TENM2: variants seen among roughly 807,000 people sequenced by gnomAD.
TENM2 encodes the protein teneurin transmembrane protein 2, also known as teneurin-2.
TENM2 carries 52 observed loss-of-function variants against 245.2 expected under a neutral mutation model. That is an observed-to-expected ratio of 0.21 (90% confidence interval 0.17 to 0.27). The LOEUF (loss-of-function observed/expected upper bound fraction) is 0.27, where lower values mean the gene tolerates loss of function less well. Among genes scored for constraint, TENM2 ranks in the 10% least tolerant of loss-of-function variants. TENM2 has a pLI of 1.00. For missense variants in TENM2, 3,046 were observed against 3,666.8 expected (o/e 0.83, Z 4.37); for synonymous variants, 1,363 against 1,438.9 (o/e 0.95, Z 1.19).
chr5:167,768,583 A>T (rs1219861280), intron 2 of TENM2, among the ~76,000 whole-genome samples: 1 of 152,150 alleles, frequency 6.6e-6, no homozygotes, highest in Admixed American at 6.5e-5. Flanking sequence ...CATAATGGTT[A>T]TGAAGTGGTA....
At chr5:167,391,622 C>T (rs1171374568) in intron 2 of TENM2, among the ~76,000 whole-genome samples, 2 of 53,498 alleles carry the variant, frequency 3.7e-5, no homozygotes, top group African/African-American at 6.2e-5. Context: ...AAGACTTCAT[C>T]AAAAAAAAAA....
the TENM2 span, among the ~76,000 whole-genome samples, chr5:167,125,999 C>G: frequency 6.6e-6 from 1 of 152,142 alleles, no homozygotes; most frequent in South Asian, 2.1e-4. Context: ...CAAAGTGAAG[C>G]TTTGCCTCAT....
chr5:167,805,759 T>C (rs137923646), intron 2 of TENM2, among the ~76,000 whole-genome samples: 1 of 152,242 alleles, frequency 6.6e-6, no homozygotes, highest in African/African-American at 2.4e-5. Context: ...GGTGAGGTGG[T>C]GGGCATAGCA....
intron 5 of TENM2, among the ~76,000 whole-genome samples, chr5:168,035,496 C>CA (rs397949588): frequency 0.16 from 11,359 of 68,938 alleles, 605 homozygotes; most frequent in African/African-American, 0.23. Context: ...GACCCTGTCT[C>CA]AAAAAAAAAA....
At chr5:167,101,988 G>A in the TENM2 span, among the ~76,000 whole-genome samples, 6 of 143,084 alleles carry the variant, frequency 4.2e-5, no homozygotes, top group African/African-American at 1.6e-4. Context: ...CACTTTGAGA[G>A]GATGAGGTCA....
intron 2 of TENM2, among the ~76,000 whole-genome samples, chr5:167,522,021 A>C (rs1770786302): frequency 6.6e-6 from 1 of 152,126 alleles, no homozygotes; most frequent in Non-Finnish European, 1.5e-5. Context: ...AAGACCTTTC[A>C]AATGTTTCTA....
At chr5:167,400,799 G>C (rs899548957) in intron 2 of TENM2, among the ~76,000 whole-genome samples, 1 of 152,138 alleles carries the variant, frequency 6.6e-6, no homozygotes, top group Non-Finnish European at 1.5e-5. Context: ...CTATTAAGTA[G>C]AGCAAGGTCA....
intron 7 of TENM2, among the ~76,000 whole-genome samples, chr5:168,074,992 A>G (rs1193518463): frequency 6.6e-6 from 1 of 152,158 alleles, no homozygotes; most frequent in South Asian, 2.1e-4. Flanking sequence ...TTCCGTGAAT[A>G]AGTTCTTTAG....
chr5:167,799,895 AC>A (rs1379729010), intron 2 of TENM2, among the ~76,000 whole-genome samples: 1 of 152,186 alleles, frequency 6.6e-6, no homozygotes, highest in Non-Finnish European at 1.5e-5. Context: ...AAATTCAGAT[AC>A]CTGGGGCCCA....
chr5:168,248,325 C>A, exon 27 of TENM2: 2 of 1,613,962 alleles, frequency 1.2e-6, no homozygotes, highest in Non-Finnish European at 1.7e-6. Flanking sequence ...TGTTCAAGAG[C>A]AACAATCCTC....
At chr5:167,977,898 G>A (rs1035094053) in intron 4 of TENM2, among the ~76,000 whole-genome samples, 8 of 152,292 alleles carry the variant, frequency 5.3e-5, no homozygotes, top group Admixed American at 5.2e-4. Context: ...GGCGGGCCCT[G>A]GTGGGAGGTG....
At chr5:168,253,627 G>GT (rs1767362172) in intron 27 of TENM2, among the ~76,000 whole-genome samples, 1 of 151,720 alleles carries the variant, frequency 6.6e-6, no homozygotes, top group Non-Finnish European at 1.5e-5. Flanking sequence ...GGGTTTCACC[G>GT]TGTTAGCCAG....
In TENM2 at chr5:167,350,078, C is replaced by T. The variant is rs181136223; in HGVS notation, c.227-25120C>T. On this transcript the variant is annotated intron_variant, in intron 1 of 28. Coordinates refer to ENST00000518659, the Ensembl canonical transcript of TENM2. ...AGATTTTAATAGTCAGTTGTCAACA[C>T]GTGATGCTCCAGCAAAAGGTGGAAT... is the stretch of plus-strand genomic sequence containing the variant. 5.9e-4 allele frequency among the ~76,000 whole-genome samples: 90 copies of T among 152,156 alleles called. 1 individual carries two copies. The highest frequency in any genetic ancestry group is 2.1e-3 in the African/African-American group (86 of 41,534).
chr5:168,226,211 C>T (rs371715051), exon 24 of TENM2: 161 of 1,613,368 alleles, frequency 1.0e-4, no homozygotes, highest in Admixed American at 2.8e-4. Context: ...ATGATGACGT[C>T]ACTGTCATCA....
At chr5:167,738,274 G>A (rs1263460309) in intron 2 of TENM2, among the ~76,000 whole-genome samples, 1 of 152,098 alleles carries the variant, frequency 6.6e-6, no homozygotes, top group Non-Finnish European at 1.5e-5. Flanking sequence ...AGCATTGGGG[G>A]GCTGTTATAA....
chr5:167,822,886 C>A (rs1214570338), intron 2 of TENM2, among the ~76,000 whole-genome samples: 1 of 152,198 alleles, frequency 6.6e-6, no homozygotes, highest in Non-Finnish European at 1.5e-5. Flanking sequence ...AATAAGCACA[C>A]AGATCTTCAG....
chr5:168,165,019 C>T (rs1012694211), intron 13 of TENM2: 9 of 152,064 alleles, frequency 5.9e-5, no homozygotes, highest in Admixed American at 5.9e-4. Flanking sequence ...TTCTCATCCT[C>T]TTAATGGGTA....
At chr5:167,038,744 A>G in the TENM2 span, among the ~76,000 whole-genome samples, 1 of 152,162 alleles carries the variant, frequency 6.6e-6, no homozygotes, top group Non-Finnish European at 1.5e-5. Flanking sequence ...TCAACTTAAC[A>G]CTTACCTCTT....
chr5:167,806,217 TA>T, intron 2 of TENM2, among the ~76,000 whole-genome samples: 1 of 152,240 alleles, frequency 6.6e-6, no homozygotes, highest in East Asian at 1.9e-4. Context: ...AGGAAAATAT[TA>T]AAAATTAAAT....
Sources: allele counts gnomAD v4.1 joint callset (sites outside exome capture counted in the v4.1 genomes callset), GRCh38; gene constraint gnomAD v4.1.1; transcripts MANE v1.5; gene names NCBI Gene and HGNC (gene_info 2026-07-23, HGNC 2026-07-21).